The following COL4A2 variants were observed in gnomAD, a reference collection of about 807,000 sequenced individuals.
COL4A2 encodes the protein collagen type IV alpha 2 chain, also known as collagen alpha-2(IV) chain.
In COL4A2, 99 loss-of-function variants were observed where a neutral mutation model predicts 200.2. The ratio of observed to expected loss-of-function variants is 0.49; its 90% CI spans 0.42 to 0.58. The LOEUF is 0.58. Among genes scored for constraint, COL4A2 ranks in the 20% least tolerant of loss-of-function variants. The probability of loss-of-function intolerance (pLI) is 0.00; values close to 1 mark genes in which losing one functional copy is unlikely to be tolerated. For missense variants in COL4A2, 1,950 were observed against 2,314.1 expected (o/e 0.84, Z 3.23); for synonymous variants, 897 against 900.6 (o/e 1.00, Z 0.07).
rs1351153049 is a variant in COL4A2 at position 110,436,356 on chromosome 13, G to C, written c.814G>C (p.Asp272His). 3.1e-6 allele frequency: 5 copies of C among 1,613,706 alleles called. No homozygotes were observed. Among genetic ancestry groups the C allele is most frequent in the Non-Finnish European group, 4.2e-6 (5 of 1,180,000 alleles). ...GCCCACAGGAGTCACCTTCCACCCA[G>C]ATCAGTACAAGGTAAAGAGCAAAAT... is the stretch of plus-strand genomic sequence containing the variant. Reference protein sequence around the residue: ...IAPTGVTFHPDQYKGEKGSEG... With the variant: ...IAPTGVTFHPHQYKGEKGSEG... Residue 272 changes from aspartate (D) to histidine (H), a missense_variant, in exon 13 of 48, where the codon GAT (aspartate) becomes CAT (histidine). Around this residue, in one of 2 missense-constraint regions of COL4A2, gnomAD observed 565 missense variants for 593.5 expected, o/e 0.95. Coordinates refer to ENST00000360467, the MANE Select transcript of COL4A2 (RefSeq NM_001846.4).
chr13:110,506,668 C>A, intron 46 of COL4A2, 62 bp downstream of exon 46: 1 of 1,476,272 alleles, frequency 6.8e-7, no homozygotes, highest in Non-Finnish European at 9.1e-7. Context: ...TGGCCAAGAT[C>A]AAAGGGCCAC....
At position 110,465,544 on chromosome 13, in the gene COL4A2, G is replaced by A; in HGVS notation, c.1916G>A (p.Gly639Asp). ...CAACGTGGTTTCCCTGGAGACGCCG[G>A]CTTACCTGGACCACCAGGCTTCCTG... ...KGQRGFPGDA[G>D]LPGPPGFLGP... Residue 639 changes from glycine (G) to aspartate (D), a missense_variant, in exon 25 of 48, where the codon GGC becomes GAC. Physicochemically the swap from Gly to Asp is moderately conservative, Grantham distance 94 (BLOSUM62 -1). This residue lies in a region of COL4A2 where 1,385 missense variants were observed against 1,720.5 expected (regional missense o/e 0.80). Transcript: ENST00000360467. 1 of 1,613,998 alleles carries A rather than the reference G, an allele frequency of 6.2e-7. No individual in the cohort carries two copies. Among genetic ancestry groups the A allele is most frequent in the Non-Finnish European group, 8.5e-7 (1 of 1,179,998 alleles).
chr13:110,316,856 C>T (rs1447920788), intron 3 of COL4A2, among the ~76,000 whole-genome samples: 2 of 151,882 alleles, frequency 1.3e-5, no homozygotes, highest in South Asian at 2.1e-4. Context: ...TATATATACA[C>T]GTCAAAATAC....
chr13:110,366,120 T>C (rs559273484), intron 4 of COL4A2, among the ~76,000 whole-genome samples: 13 of 152,352 alleles, frequency 8.5e-5, no homozygotes, highest in African/African-American at 2.6e-4. Flanking sequence ...TCCCCCTCTC[T>C]GCTAGAGGAG....
In COL4A2 at chr13:110,432,310, T is replaced by C. The variant is rs762718006; in HGVS notation, c.649-15T>C. On this transcript the variant is annotated splice_polypyrimidine_tract_variant and intron_variant, in intron 10 of 47. Transcript: ENST00000360467. The stretch of plus-strand genomic sequence containing the variant: ...GTAAAGAAAACCATTTACACATTTC[T>C]TTGTATTTGTACAGGGACCACCTGG... 3.1e-6 allele frequency: 5 copies of C among 1,602,410 alleles called. No homozygotes were observed. In the South Asian group the frequency reaches 4.5e-5, roughly 14 times the overall value.
intron 4 of COL4A2, among the ~76,000 whole-genome samples, chr13:110,421,064 G>T (rs149424429): frequency 6.6e-6 from 1 of 152,246 alleles, no homozygotes; most frequent in East Asian, 1.9e-4. Context: ...TACTAGAATG[G>T]CTATAGCCCA....
intron 4 of COL4A2, among the ~76,000 whole-genome samples, chr13:110,406,269 A>C (rs1023582859): frequency 2.3e-4 from 35 of 152,170 alleles, no homozygotes; most frequent in Admixed American, 1.2e-3. Flanking sequence ...CCCTACGGAC[A>C]CTGATGGCTT....
chr13:110,318,778 C>T (rs4773156), intron 3 of COL4A2, among the ~76,000 whole-genome samples: 100,874 of 152,048 alleles, frequency 0.66, 33,959 homozygotes, highest in Middle Eastern at 0.84. Context: ...CACTAGTTCA[C>T]ATCTACCTGG....
chr13:110,376,305 A>G (rs750797784), intron 4 of COL4A2, among the ~76,000 whole-genome samples: 25 of 152,258 alleles, frequency 1.6e-4, no homozygotes, highest in African/African-American at 4.6e-4. Flanking sequence ...ACAGTCTGGA[A>G]CTGTGAGCGT....
chr13:110,365,202 C>T (rs1004107450), intron 4 of COL4A2, among the ~76,000 whole-genome samples: 8 of 151,902 alleles, frequency 5.3e-5, no homozygotes, highest in African/African-American at 1.2e-4. Context: ...ACCGCAGTGG[C>T]GCCACCTCGG....
intron 24 of COL4A2, among the ~76,000 whole-genome samples, chr13:110,465,070 C>T (rs1882181696): frequency 6.6e-6 from 1 of 152,234 alleles, no homozygotes; most frequent in South Asian, 2.1e-4. Flanking sequence ...TCTTTCTCCA[C>T]CCACAGTAGA....
rs529617799 is a variant in COL4A2 at position 110,503,983 on chromosome 13, C to A, written c.4275C>A (p.Pro1425=). The A allele has an allele frequency of 6.4e-7, 1 of 1,558,182 alleles. No individual in the cohort carries two copies. The highest frequency in any genetic ancestry group is 8.6e-7 in the Non-Finnish European group (1 of 1,156,866). The change falls in exon 44 of 48, where the codon CCC becomes CCA. Residue 1425 remains proline, a synonymous_variant. Transcript: ENST00000360467. ...APGEMGPQGP[P]GEPGFRGAPG... ...GGGAGATGGGGCCCCAGGGCCCCCC[C>A]GGAGAACCAGGTAGAGTGCTGAGCT...
chr13:110,397,959 A>G (rs1879237909), intron 4 of COL4A2, among the ~76,000 whole-genome samples: 1 of 152,206 alleles, frequency 6.6e-6, no homozygotes, highest in South Asian at 2.1e-4. Flanking sequence ...TATCGTATGG[A>G]GAAGAAGTCA....
chr13:110,381,250 CTCTA>C (rs1186688326), intron 4 of COL4A2, among the ~76,000 whole-genome samples: 5 of 151,562 alleles, frequency 3.3e-5, no homozygotes, highest in Non-Finnish European at 7.4e-5. Context: ...CACCCATGGG[CTCTA>C]TCTCACACCC....
chr13:110,360,830 C>T (rs1015621165), intron 4 of COL4A2, among the ~76,000 whole-genome samples: 57 of 148,820 alleles, frequency 3.8e-4, no homozygotes, highest in African/African-American at 1.3e-3. Flanking sequence ...CCACTGTGCA[C>T]GCGCAGCACT....
chr13:110,412,051 A>G (rs76989723), intron 4 of COL4A2, among the ~76,000 whole-genome samples: 4,417 of 152,338 alleles, frequency 0.029, 216 homozygotes, highest in African/African-American at 0.1. Flanking sequence ...GTCAAAGCTA[A>G]TAACCTGAAA....
intron 10 of COL4A2, among the ~76,000 whole-genome samples, chr13:110,432,100 A>G (rs1422331856): frequency 1.3e-5 from 2 of 152,216 alleles, no homozygotes; most frequent in Non-Finnish European, 2.9e-5. Flanking sequence ...AGCAAAGCAG[A>G]AACAGCTGTC....
intron 40 of COL4A2, 92 bp downstream of exon 40, chr13:110,495,559 G>A (rs1332986584): frequency 2.0e-6 from 3 of 1,505,054 alleles, no homozygotes; most frequent in Non-Finnish European, 2.7e-6. Context: ...GGTGGGAGAG[G>A]CTGTGCAGAA....
rs552194196 is a variant in COL4A2 at position 110,429,753 on chromosome 13, C to A, written c.478-132C>A. The A allele has an allele frequency of 6.1e-5, 47 of 776,008 alleles. No homozygotes were observed. In the South Asian group the frequency reaches 6.9e-4, roughly 11 times the overall value. The allele number at this position is 776,008 out of a possible 1,614,324, so 48.1% of individuals were successfully genotyped here. ...ATAGGGTTGGTGTTCAGAATAACCC[C>A]CATCAGCCATAAGAACAATTAGACC... is the stretch of plus-strand genomic sequence containing the variant. On this transcript the variant is annotated intron_variant, in intron 7 of 47. Transcript: ENST00000360467.
Sources: gnomAD v4.1 joint callset for allele counts (sites outside exome capture counted in the v4.1 genomes callset) on GRCh38, gnomAD v4.1.1 for gene constraint, gnomAD v4.1.1 regional missense constraint, MANE v1.5 for transcripts, NCBI Gene and HGNC (gene_info 2026-07-23, HGNC 2026-07-21) for gene names.